The following POMT2 variants were observed in gnomAD, a reference collection of about 807,000 sequenced individuals.
The protein encoded by POMT2 is protein O-mannosyltransferase 2, also known as protein O-mannosyl-transferase 2.
POMT2 carries 75 observed loss-of-function variants against 100.0 expected under a neutral mutation model. The ratio of observed to expected loss-of-function variants is 0.75; its 90% CI spans 0.62 to 0.91. The LOEUF (loss-of-function observed/expected upper bound fraction) is 0.91. Among genes scored for constraint, POMT2 ranks in the 40% least tolerant of loss-of-function variants. The pLI, the probability that POMT2 is intolerant of heterozygous loss-of-function variation, is 0.00. For synonymous variants in POMT2, 378 were observed against 374.1 expected, an observed-to-expected ratio of 1.01 and a Z score of -0.12; for missense variants, 940 against 955.1, an observed-to-expected ratio of 0.98 and a Z score of 0.21.
At chr14:77,312,362 T>C in intron 1 of POMT2, 1 of 277,060 alleles carries the variant, frequency 3.6e-6, no homozygotes, top group South Asian at 3.6e-5. Flanking sequence ...TGGAAAGGTT[T>C]GTAGTAAGAG....
chr14:77,291,533 A>T, intron 9 of POMT2, 153 bp from the exon 10 acceptor site: 1 of 1,014,824 alleles, frequency 9.9e-7, no homozygotes, highest in Admixed American at 2.1e-5. Flanking sequence ...CATGTTTCCC[A>T]ATGGGGCTCA....
chr14:77,312,264 A>T (rs1045621321), intron 1 of POMT2: 4 of 547,010 alleles, frequency 7.3e-6, no homozygotes, highest in African/African-American at 3.8e-5. Context: ...TTCACTAGCC[A>T]GTTACCAATT....
At position 77,291,376 on chromosome 14, in the gene POMT2, G is replaced by C. The variant is rs973161535; in HGVS notation, c.1121C>G (p.Thr374Ser). ...GTTGTAGTCCTTGTGCAAATAGGTG[G>C]TGACCTGGGTGGGGGGTGGGGGCGG... The part of the protein sequence containing the change: ...EGIGARQQQV[T>S]TYLHKDYNNL... The change falls in exon 10 of 21, where the codon ACC becomes AGC. Residue 374 changes from threonine (T) to serine (S), a missense_variant. Thr to Ser is a moderately conservative substitution (Grantham distance 58, BLOSUM62 1). Coordinates refer to ENST00000261534, the MANE Select transcript of POMT2 (RefSeq NM_013382.7). The C allele has an allele frequency of 1.5e-5, 15 of 1,013,124 alleles. No individual in the cohort carries two copies. Among genetic ancestry groups the C allele is most frequent in the Non-Finnish European group, 2.1e-5 (15 of 716,680 alleles). The allele number at this position is 1,013,124 out of a possible 1,614,324, so 62.8% of individuals were successfully genotyped here.
At chr14:77,281,468 C>T (rs1312650272) in intron 15 of POMT2, among the ~76,000 whole-genome samples, 1 of 152,094 alleles carries the variant, frequency 6.6e-6, no homozygotes, top group African/African-American at 2.4e-5. Flanking sequence ...CTCAGCCTCC[C>T]TAATCCAGCA....
intron 2 of POMT2, 52 bp downstream of exon 2, chr14:77,311,897 C>A: frequency 1.9e-6 from 3 of 1,608,054 alleles, no homozygotes; most frequent in Non-Finnish European, 2.5e-6. Flanking sequence ...GGCTCCAGCC[C>A]TTAGGAACAA....
intron 1 of POMT2, among the ~76,000 whole-genome samples, chr14:77,319,139 G>A (rs542251136): frequency 3.3e-5 from 5 of 152,300 alleles, no homozygotes; most frequent in African/African-American, 1.2e-4. Context: ...CTGTGCACAG[G>A]TCACAGTGGT....
rs889430874 is a variant in POMT2, at chr14:77,287,047, C to G, written c.1254-225G>C. ...CCAGGAGAGACAGATGGTAGGAGCA[C>G]TGGACGGCATGCCAAGAAAGGGGCT... is the stretch of plus-strand genomic sequence containing the variant. On this transcript the variant is annotated intron_variant, in intron 11 of 20. Coordinates refer to ENST00000261534, the MANE Select transcript of POMT2 (RefSeq NM_013382.7). 8.2e-6 allele frequency: 7 copies of G among 857,170 alleles called. No individual in the cohort carries two copies. In the African/African-American group the frequency reaches 1.2e-4, roughly 15 times the overall value. The allele number at this position is 857,170 out of a possible 1,614,324, so 53.1% of individuals were successfully genotyped here.
chr14:77,320,646 G>T lies in POMT2; in HGVS notation c.36C>A (p.Ser12=), dbSNP rs771074829. The T allele has an allele frequency of 5.9e-5, 94 of 1,593,598 alleles. No individual in the cohort carries two copies. Among genetic ancestry groups the T allele is most frequent in the Admixed American group, 3.2e-4 (19 of 59,766 alleles). Residue 12 remains serine, a synonymous_variant, in exon 1 of 21, where the codon TCC becomes TCA. Coordinates refer to ENST00000261534, the MANE Select transcript of POMT2 (RefSeq NM_013382.7). ...AGCGGCCCCTCCGGGGACGCAGCTC[G>T]GACTCTGCCAGGCCTCCGCCCGTGG... ...PPATGGGLAE[S]ELRPRRGRCG... is the part of the protein sequence containing the mutation.
Position 77,277,135 on chromosome 14 carries a change from G to A in POMT2, c.*241C>T, listed in dbSNP as rs1163036875. 6 of 552,762 alleles carry A rather than the reference G, an allele frequency of 1.1e-5. No homozygotes were observed. The highest frequency in any genetic ancestry group is 2.0e-5 in the South Asian group (1 of 50,850). The allele number at this position is 552,762 out of a possible 1,614,324, so 34.2% of individuals were successfully genotyped here. A position where few individuals can be genotyped will look rare whatever the true frequency, so the allele number is the denominator to read the frequency against. On this transcript the variant is annotated 3_prime_UTR_variant, in exon 21 of 21. Coordinates refer to ENST00000261534, the MANE Select transcript of POMT2 (RefSeq NM_013382.7). ...ACCCATCCTCCCCTGCGCTGTGCACGAGGGAGCAGCCCAAGAGGCGCTGTC... is the reference window on the plus strand; with the variant it reads ...ACCCATCCTCCCCTGCGCTGTGCACAAGGGAGCAGCCCAAGAGGCGCTGTC...
chr14:77,287,518 G>GTCTC (rs1034993895), intron 11 of POMT2: 4 of 107,570 alleles, frequency 3.7e-5, no homozygotes, highest in African/African-American at 1.4e-4. Context: ...CTCTGTCTCT[G>GTCTC]TCTCTCTCTC....
intron 6 of POMT2, chr14:77,300,100 G>A (rs1890965975): frequency 4.9e-6 from 1 of 203,280 alleles, no homozygotes; most frequent in Non-Finnish European, 1.0e-5. Flanking sequence ...CAGAGGGTGG[G>A]GACCATATTA....
At chr14:77,315,609 C>A (rs192870905) in intron 1 of POMT2, among the ~76,000 whole-genome samples, 1 of 152,310 alleles carries the variant, frequency 6.6e-6, no homozygotes, top group Admixed American at 6.5e-5. Context: ...AGAGGATTAT[C>A]CTGGGCAAGG....
chr14:77,319,125 AC>A (rs765863129), intron 1 of POMT2, among the ~76,000 whole-genome samples: 13 of 152,070 alleles, frequency 8.5e-5, no homozygotes, highest in Non-Finnish European at 1.6e-4. Context: ...ATCAATCTGA[AC>A]CCCTGTGCAC....
At chr14:77,304,618 G>A in intron 4 of POMT2, 74 bp downstream of exon 4, 2 of 1,541,560 alleles carry the variant, frequency 1.3e-6, no homozygotes, top group South Asian at 2.4e-5. Context: ...GCCCTTGAAT[G>A]TACTGATTTT....
In POMT2 at chr14:77,283,874, C is replaced by T. The variant is rs760771302; in HGVS notation, c.1577-1G>A. ...AGCACATCCAGGCTGATGTTTGGCA[C>T]TAGGGGAAAAAAATGCAGGAGAAAA... On this transcript the variant is annotated splice_acceptor_variant, in intron 14 of 20. Coordinates refer to ENST00000261534, the MANE Select transcript of POMT2 (RefSeq NM_013382.7). LOFTEE classifies it high-confidence loss of function. The T allele has an allele frequency of 1.2e-6, 2 of 1,609,054 alleles. No homozygotes were observed. Among genetic ancestry groups the T allele is most frequent in the Non-Finnish European group, 1.7e-6 (2 of 1,175,514 alleles).
At chr14:77,280,307 A>G in intron 16 of POMT2, 85 bp downstream of exon 16, 2 of 1,597,890 alleles carry the variant, frequency 1.3e-6, no homozygotes, top group Non-Finnish European at 8.5e-7. Context: ...CTGCCGCCCT[A>G]GTACACCCAC....
intron 9 of POMT2, among the ~76,000 whole-genome samples, chr14:77,293,887 T>C (rs765584409): frequency 2.0e-5 from 3 of 151,858 alleles, no homozygotes; most frequent in Non-Finnish European, 4.4e-5. Context: ...TCTGTAACTG[T>C]AGTGTCTTCT....
chr14:77,288,945 C>G, intron 10 of POMT2, 114 bp from the exon 11 acceptor site: 2 of 897,304 alleles, frequency 2.2e-6, no homozygotes, highest in Admixed American at 3.7e-5. Context: ...AGGTACTAAC[C>G]AGGTACTCTG....
chr14:77,296,298 G>A, intron 8 of POMT2, 25 bp from the exon 9 acceptor site: 1 of 1,519,150 alleles, frequency 6.6e-7, no homozygotes, highest in Non-Finnish European at 9.0e-7. Context: ...GACAGCAGAG[G>A]GGTGAGCTGG....
Sources: gnomAD v4.1 joint callset for allele counts (sites outside exome capture counted in the v4.1 genomes callset) on GRCh38, gnomAD v4.1.1 for gene constraint, MANE v1.5 for transcripts, NCBI Gene and HGNC (gene_info 2026-07-23, HGNC 2026-07-21) for gene names.